EDEM1: variants seen among roughly 807,000 people sequenced by gnomAD.
EDEM1 encodes the protein ER degradation enhancing alpha-mannosidase like protein 1.
EDEM1 carries 67 observed loss-of-function variants against 74.4 expected under a neutral mutation model. The observed-to-expected ratio is 0.90, with a 90% CI of 0.74 to 1.10. The LOEUF is 1.10. EDEM1 is among the 50% of genes least tolerant of loss of function. The pLI is 0.00. For missense variants in EDEM1, 926 were observed against 851.6 expected, an observed-to-expected ratio of 1.09 and a Z score of -1.09; for synonymous variants, 382 against 335.9, an observed-to-expected ratio of 1.14 and a Z score of -1.50.
intron 5 of EDEM1, among the ~76,000 whole-genome samples, chr3:5,204,481 C>T (rs13085849): frequency 0.18 from 26,826 of 151,894 alleles, 2,983 homozygotes; most frequent in African/African-American, 0.31. Flanking sequence ...TCAAGTGATC[C>T]CTGGGATCAA....
intron 1 of EDEM1, among the ~76,000 whole-genome samples, chr3:5,192,551 G>A (rs542896343): frequency 4.1e-4 from 63 of 152,252 alleles, no homozygotes; most frequent in African/African-American, 1.5e-3. Flanking sequence ...TTAGTTGTGC[G>A]GTTCAGCCAG....
intron 10 of EDEM1, among the ~76,000 whole-genome samples, chr3:5,211,609 C>G (rs2055169076): frequency 6.6e-6 from 1 of 151,948 alleles, no homozygotes; most frequent in Non-Finnish European, 1.5e-5. Flanking sequence ...GCAGCTCAGC[C>G]TTGTCTCTGT....
intron 7 of EDEM1, among the ~76,000 whole-genome samples, chr3:5,207,651 C>T (rs768966203): frequency 2.0e-5 from 3 of 152,102 alleles, no homozygotes; most frequent in Non-Finnish European, 4.4e-5. Context: ...GGATTACAGG[C>T]GCCTGCCACC....
In EDEM1 at chr3:5,216,440, T is replaced by A. The variant is rs185314848; in HGVS notation, c.*522T>A. 6.6e-6 allele frequency: 1 copy of A among 152,230 alleles called. No homozygotes were observed. The highest frequency in any genetic ancestry group is 2.1e-4 in the South Asian group (1 of 4,826). The allele number at this position is 152,230 out of a possible 1,614,324, so 9.4% of individuals were successfully genotyped here. A position where few individuals can be genotyped will look rare whatever the true frequency, so the allele number is the denominator to read the frequency against. On this transcript the variant is annotated 3_prime_UTR_variant, in exon 12 of 12. Transcript: ENST00000256497. ...GCACCACTGTACCTGGCTAGCTACT[T>A]CTTTGTTAGAGGATTGAGAATGAAA...
chr3:5,214,163 A>G (rs186302202), intron 11 of EDEM1, among the ~76,000 whole-genome samples: 87 of 152,338 alleles, frequency 5.7e-4, no homozygotes, highest in Non-Finnish European at 3.2e-4. Context: ...TGGAAATGGA[A>G]GTCCTTGCAT....
chr3:5,190,389 A>C (rs343419), intron 1 of EDEM1, among the ~76,000 whole-genome samples: 111,045 of 151,740 alleles, frequency 0.73, 44,054 homozygotes, highest in Middle Eastern at 0.87. Flanking sequence ...TCATTTGAGA[A>C]TATGACGGTT....
intron 6 of EDEM1, 99 bp from the exon 7 acceptor site, chr3:5,207,053 GT>G: frequency 6.6e-7 from 1 of 1,514,032 alleles, no homozygotes; most frequent in Non-Finnish European, 8.9e-7. Context: ...AAAAATTAAT[GT>G]TAATTCCGTT....
chr3:5,190,467 T>C (rs1452957020), intron 1 of EDEM1, among the ~76,000 whole-genome samples: 1 of 152,244 alleles, frequency 6.6e-6, no homozygotes, highest in African/African-American at 2.4e-5. Context: ...TGGAGAACCT[T>C]AAGAATCCCT....
chr3:5,207,970 T>A, intron 7 of EDEM1, 123 bp from the exon 8 acceptor site: 1 of 1,237,568 alleles, frequency 8.1e-7, no homozygotes, highest in Non-Finnish European at 1.1e-6. Context: ...GTTTTGTCTT[T>A]AACCGTATGT....
At position 5,208,043 on chromosome 3, in the gene EDEM1, G is replaced by A. The variant is rs372559080; in HGVS notation, c.1339-50G>A. On this transcript the variant is annotated intron_variant, in intron 7 of 11. Transcript: ENST00000256497. ...AGGCAGGCCCTTTGTGCCATGTCTT[G>A]TCACTCTAGGAATGGTATCTCAGCC... 5.9e-6 allele frequency: 9 copies of A among 1,517,554 alleles called. 1 individual carries two copies. Among genetic ancestry groups the A allele is most frequent in the South Asian group, 5.4e-5 (4 of 74,086 alleles). The allele number at this position is 1,517,554 out of a possible 1,614,324, so 94.0% of individuals were successfully genotyped here. A position where few individuals can be genotyped will look rare whatever the true frequency, so the allele number is the denominator to read the frequency against.
intron 6 of EDEM1, 40 bp downstream of exon 6, chr3:5,205,281 A>G: frequency 6.3e-7 from 1 of 1,579,702 alleles, no homozygotes; most frequent in Non-Finnish European, 8.6e-7. Context: ...CTTGTAAAGC[A>G]AATAGAATGC....
In EDEM1 at chr3:5,198,205, G is replaced by A. The variant is rs531848848; in HGVS notation, c.583-1387G>A. Among the ~76,000 whole-genome samples, 105 of 152,144 alleles carry A rather than the reference G, an allele frequency of 6.9e-4. 2 individuals carry two copies. Among genetic ancestry groups the A allele is most frequent in the Non-Finnish European group, 1.4e-3 (97 of 67,986 alleles). ...TGGGATTACAGGCATGCGCCACCACGCCTGGCTAATTTTTTGTATTTTTAG... is the reference window on the plus strand; with the variant it reads ...TGGGATTACAGGCATGCGCCACCACACCTGGCTAATTTTTTGTATTTTTAG... On this transcript the variant is annotated intron_variant, in intron 2 of 11. Transcript: ENST00000256497.
chr3:5,198,609 C>A (rs1264114673), intron 2 of EDEM1, among the ~76,000 whole-genome samples: 1 of 146,726 alleles, frequency 6.8e-6, no homozygotes, highest in African/African-American at 2.5e-5. Flanking sequence ...AGGGGAAGAT[C>A]TTGAGGCCCA....
chr3:5,206,453 G>A (rs562990403), intron 6 of EDEM1, among the ~76,000 whole-genome samples: 6 of 152,098 alleles, frequency 3.9e-5, no homozygotes, highest in Admixed American at 2.0e-4. Context: ...TGATCCACCC[G>A]CCTCGGCCTC....
At chr3:5,206,634 G>A (rs2055100401) in intron 6 of EDEM1, among the ~76,000 whole-genome samples, 1 of 152,150 alleles carries the variant, frequency 6.6e-6, no homozygotes, top group Non-Finnish European at 1.5e-5. Flanking sequence ...CCACTTGTAT[G>A]TGCTATGTTT....
At chr3:5,191,637 C>T (rs915124541) in intron 1 of EDEM1, among the ~76,000 whole-genome samples, 1 of 152,142 alleles carries the variant, frequency 6.6e-6, no homozygotes, top group African/African-American at 2.4e-5. Context: ...TAGAAAATTT[C>T]GGTGCTAAAC....
At position 5,210,200 on chromosome 3, in the gene EDEM1, A is replaced by G. The variant is rs1055271039; in HGVS notation, c.1535A>G (p.His512Arg). 1.2e-6 allele frequency: 2 copies of G among 1,614,224 alleles called. No individual in the cohort carries two copies. The highest frequency in any genetic ancestry group is 1.7e-5 in the Admixed American group (1 of 60,032). The change falls in exon 9 of 12, where the codon CAT becomes CGT. Residue 512 changes from histidine (H) to arginine (R), a missense_variant. Coordinates refer to ENST00000256497, the MANE Select transcript of EDEM1 (RefSeq NM_014674.3). ...GCAACCAAGAATCCCTTCTACCTCC[A>G]TGTAGGAATGGATATTCTGCAGAGT... ...YQATKNPFYL[H>R]VGMDILQSLE...
rs367667682 is a variant in EDEM1 at position 5,213,541 on chromosome 3, G to C, written c.1884+19G>C. ...CTCCAACGTGAGTTGCTTTTTCCAG[G>C]GGTGATTTGCATATAGAGGAAGAGA... On this transcript the variant is annotated intron_variant, in intron 11 of 11. Coordinates refer to ENST00000256497, the MANE Select transcript of EDEM1 (RefSeq NM_014674.3). 6.3e-7 allele frequency: 1 copy of C among 1,590,450 alleles called. No individual in the cohort carries two copies. The highest frequency in any genetic ancestry group is 1.7e-5 in the Admixed American group (1 of 57,574).
Position 5,187,924 on chromosome 3 carries a change from G to C in EDEM1, c.119G>C (p.Ser40Thr), listed in dbSNP as rs751181724. The C allele has an allele frequency of 3.1e-6, 5 of 1,592,208 alleles. No individual in the cohort carries two copies. The highest frequency in any genetic ancestry group is 3.4e-6 in the Non-Finnish European group (4 of 1,172,244). ...SMGFYQRFPL[S>T]FGFQRLRSPD... ...GGCTTCTACCAGCGCTTTCCGCTCA[G>C]CTTCGGCTTCCAGCGTCTGAGGAGC... The change falls in exon 1 of 12, where the codon AGC becomes ACC. Residue 40 changes from serine (S) to threonine (T), a missense_variant. Transcript: ENST00000256497.
Sources: gnomAD v4.1 joint callset for allele counts (sites outside exome capture counted in the v4.1 genomes callset) on GRCh38, gnomAD v4.1.1 for gene constraint, MANE v1.5 for transcripts, NCBI Gene and HGNC (gene_info 2026-07-23, HGNC 2026-07-21) for gene names.